Variants in CSMD2 observed in about 807,000 individuals in gnomAD.
The protein encoded by CSMD2 is CUB and sushi domain-containing protein 2.
A neutral mutation model predicts 398.5 loss-of-function variants in CSMD2; 130 were observed. The observed-to-expected ratio is 0.33, with a 90% CI of 0.28 to 0.38. CSMD2 has a LOEUF of 0.38. Among genes scored for constraint, CSMD2 ranks in the 10% least tolerant of loss-of-function variants. The pLI is 1.00. For missense variants in CSMD2, 3,829 were observed against 4,764.9 expected (o/e 0.80, Z 5.78); for synonymous variants, 1,828 against 1,908.5 (o/e 0.96, Z 1.10).
rs1235171596 is a variant in CSMD2, at chr1:33,559,409, G to C, written c.8445C>G (p.Leu2815=). ...NGLTQGNQFN[L]NDVVKFVCNP... is the part of the protein sequence containing the mutation. The stretch of plus-strand genomic sequence containing the variant: ...TGCAAACAAACTTGACCACATCGTT[G>C]AGGTTAAACTGGTTACCCTGAGTGA... The change falls in exon 54 of 71, where the codon CTC becomes CTG. Residue 2815 remains leucine (L), a synonymous_variant. Transcript: ENST00000373381. The surrounding 1 kb of genome is among the most constrained non-coding windows in gnomAD (Gnocchi z 4.0). The C allele has an allele frequency of 6.5e-7, 1 of 1,536,156 alleles. No individual in the cohort carries two copies. Among genetic ancestry groups the C allele is most frequent in the Non-Finnish European group, 8.7e-7 (1 of 1,146,898 alleles).
chr1:33,835,568 G>C (rs1279271482), intron 6 of CSMD2, among the ~76,000 whole-genome samples: 2 of 122,506 alleles, frequency 1.6e-5, no homozygotes, highest in Non-Finnish European at 3.3e-5. Flanking sequence ...CGAGTTAGTG[G>C]GTGCAGCACA....
chr1:34,094,361 A>C (rs1325428150), intron 1 of CSMD2, among the ~76,000 whole-genome samples: 1 of 152,176 alleles, frequency 6.6e-6, no homozygotes, highest in Non-Finnish European at 1.5e-5. Context: ...TAACGAGCAA[A>C]ATAACCAGCT....
At chr1:33,572,864 C>CT (rs10712226) in intron 49 of CSMD2, among the ~76,000 whole-genome samples, 173 bp from the exon 50 acceptor site, 50 of 149,922 alleles carry the variant, frequency 3.3e-4, no homozygotes, top group East Asian at 5.9e-4. Flanking sequence ...GTTTTTTCTT[C>CT]TTTTTTTTTT....
chr1:33,670,187 T>C lies in CSMD2; in HGVS notation c.4053-7095A>G, dbSNP rs573873644. On this transcript the variant is annotated intron_variant, in intron 25 of 70. Coordinates refer to ENST00000373381, the MANE Select transcript of CSMD2 (RefSeq NM_001281956.2). ...CCATCCCCTCAGTCTAGTGAGATGC[T>C]CCCTCTACAGGCTCCTGCTCTATCA... 3.3e-5 allele frequency among the ~76,000 whole-genome samples: 5 copies of C among 152,276 alleles called. No homozygotes were observed. In the East Asian group the frequency reaches 9.7e-4, roughly 29 times the overall value.
rs75847492 is a variant in CSMD2 at position 33,628,963 on chromosome 1, G to A, written c.5201-2382C>T. Among the ~76,000 whole-genome samples the A allele has an allele frequency of 5.3e-5, 8 of 151,320 alleles. No individual in the cohort carries two copies. The East Asian group carries it at 1.4e-3, about 26-fold the overall frequency. On this transcript the variant is annotated intron_variant, in intron 32 of 70. Coordinates refer to ENST00000373381, the MANE Select transcript of CSMD2 (RefSeq NM_001281956.2). Reference sequence around the variant, plus strand: ...AGTTTTGAAAGATAAAGTTTGACCCGTAATTTGATTTACAATCAAGGTGTC... The same window carrying A: ...AGTTTTGAAAGATAAAGTTTGACCCATAATTTGATTTACAATCAAGGTGTC...
intron 25 of CSMD2, among the ~76,000 whole-genome samples, chr1:33,666,428 A>C (rs1240100110): frequency 2.6e-5 from 4 of 152,056 alleles, no homozygotes; most frequent in Non-Finnish European, 5.9e-5. Flanking sequence ...TTCTTTGCAC[A>C]CCTCTTGTTA....
chr1:34,000,936 A>C (rs1040778656), intron 3 of CSMD2, among the ~76,000 whole-genome samples: 1 of 149,232 alleles, frequency 6.7e-6, no homozygotes, highest in Admixed American at 6.7e-5. Flanking sequence ...AGGAGGTAGA[A>C]GGGGAGGTGG....
chr1:33,730,502 A>G (rs1280556240), intron 15 of CSMD2, among the ~76,000 whole-genome samples: 1 of 152,196 alleles, frequency 6.6e-6, no homozygotes, highest in Non-Finnish European at 1.5e-5. Flanking sequence ...AGAGTGAAAT[A>G]AATGAATGCA....
chr1:34,151,551 AC>A (rs1056106199), intron 1 of CSMD2, among the ~76,000 whole-genome samples: 1 of 152,072 alleles, frequency 6.6e-6, no homozygotes, highest in Non-Finnish European at 1.5e-5. Flanking sequence ...AAGTAGCAGG[AC>A]TAGGGAAGGG....
chr1:33,907,251 T>A (rs1643151199), intron 5 of CSMD2, among the ~76,000 whole-genome samples: 1 of 151,646 alleles, frequency 6.6e-6, no homozygotes, highest in African/African-American at 2.4e-5. Context: ...CCCGAGTAGC[T>A]GGGACCACAG....
intron 3 of CSMD2, among the ~76,000 whole-genome samples, chr1:33,978,521 C>G (rs1646049628): frequency 6.6e-6 from 1 of 152,110 alleles, no homozygotes; most frequent in Non-Finnish European, 1.5e-5. Context: ...TCAGCCAGAC[C>G]TGCAGGGTCA....
At chr1:34,019,521 T>C (rs772701228) in intron 3 of CSMD2, among the ~76,000 whole-genome samples, 1 of 152,218 alleles carries the variant, frequency 6.6e-6, no homozygotes, top group Non-Finnish European at 1.5e-5. Context: ...AAAGGCAATG[T>C]AGGGAGTGAG....
chr1:33,599,508 CATA>C (rs1640069340), intron 44 of CSMD2: 1 of 152,124 alleles, frequency 6.6e-6, no homozygotes, highest in African/African-American at 2.4e-5. Flanking sequence ...CTATTTTGTG[CATA>C]ATAACATTGA....
intron 24 of CSMD2, among the ~76,000 whole-genome samples, chr1:33,697,151 T>A (rs544125776): frequency 6.6e-6 from 1 of 152,308 alleles, no homozygotes; most frequent in East Asian, 1.9e-4. Flanking sequence ...TTACAGTGAA[T>A]CTTTTCTGCA....
At chr1:34,118,177 T>C (rs983672769) in intron 1 of CSMD2, among the ~76,000 whole-genome samples, 3 of 152,130 alleles carry the variant, frequency 2.0e-5, no homozygotes, top group Non-Finnish European at 2.9e-5. Context: ...GATCATGCCA[T>C]TGCACTTTAG....
At chr1:34,161,847 C>A (rs1398138538) in intron 1 of CSMD2, among the ~76,000 whole-genome samples, 1 of 151,906 alleles carries the variant, frequency 6.6e-6, no homozygotes, top group African/African-American at 2.4e-5. Context: ...TAAAGATGAG[C>A]CTGTTCACAG....
At chr1:33,552,216 A>C (rs1222043939) in intron 55 of CSMD2, among the ~76,000 whole-genome samples, 2 of 152,264 alleles carry the variant, frequency 1.3e-5, no homozygotes, top group Non-Finnish European at 2.9e-5. Flanking sequence ...AGCACTTTGC[A>C]TCCACTAGGA....
intron 41 of CSMD2, 39 bp from the exon 42 acceptor site, chr1:33,605,509 T>C: frequency 1.4e-5 from 23 of 1,602,486 alleles, no homozygotes; most frequent in African/African-American, 2.7e-5. Context: ...TTATTCTCTC[T>C]GACCAGAAAA....
At chr1:34,050,767 C>T (rs1327557700) in intron 2 of CSMD2, among the ~76,000 whole-genome samples, 1 of 152,154 alleles carries the variant, frequency 6.6e-6, no homozygotes, top group Non-Finnish European at 1.5e-5. Flanking sequence ...TGTTCTATGA[C>T]CTTATGCTAT....
Sources: gnomAD v4.1 joint callset for allele counts (sites outside exome capture counted in the v4.1 genomes callset) on GRCh38, gnomAD v4.1.1 for gene constraint, Gnocchi (gnomAD v3.1) non-coding constraint, MANE v1.5 for transcripts, NCBI Gene and HGNC (gene_info 2026-07-23, HGNC 2026-07-21) for gene names.